Variants in DDX47 observed in about 807,000 individuals in gnomAD.
The protein encoded by DDX47 is probable ATP-dependent RNA helicase DDX47.
DDX47 carries 60 observed loss-of-function variants against 58.8 expected under a neutral mutation model. The ratio of observed to expected loss-of-function variants is 1.02; its 90% confidence interval spans 0.83 to 1.26. DDX47 has a LOEUF of 1.26. Among genes scored for constraint, DDX47 ranks in the 50% most tolerant of loss-of-function variants. The probability of loss-of-function intolerance (pLI) is 0.00; values close to 1 mark genes in which losing one functional copy is unlikely to be tolerated. For missense variants in DDX47, 530 were observed against 573.2 expected (o/e 0.92, Z 0.77); for synonymous variants, 197 against 204.6 (o/e 0.96, Z 0.32).
chr12:12,822,706 C>G lies in DDX47; in HGVS notation c.607C>G (p.Leu203Val). 6.2e-7 allele frequency: 1 copy of G among 1,613,950 alleles called. No homozygotes were observed. Residue 203 changes from leucine (L) to valine (V), a missense_variant, in exon 6 of 12, where the codon CTC (leucine) becomes GTC (valine). By Grantham distance (32) the Leu-to-Val change is conservative (BLOSUM62 1). Transcript: ENST00000358007. ...GATTCCTCGAGATCGGAAAACATTC[C>G]TCTTCTCTGCCACCATGACCAAGAA... ...KVIPRDRKTF[L>V]FSATMTKKVQ...
intron 2 of DDX47, chr12:12,820,779 G>A (rs1285195127): frequency 2.1e-5 from 4 of 194,140 alleles, no homozygotes; most frequent in Non-Finnish European, 4.2e-5. Context: ...GGGGTTACAG[G>A]CGTGAGCTAC....
chr12:12,821,753 A>G, intron 4 of DDX47, 27 bp downstream of exon 4: 1 of 1,548,504 alleles, frequency 6.5e-7, no homozygotes, highest in Non-Finnish European at 8.9e-7. Flanking sequence ...GGTAAAAGAC[A>G]CTGGCAGTGA....
rs774876536 is a variant in DDX47 at position 12,821,968 on chromosome 12, C to T, written c.446C>T (p.Thr149Ile). 4 of 1,607,812 alleles carry T rather than the reference C, an allele frequency of 2.5e-6. No homozygotes were observed. Among genetic ancestry groups the T allele is most frequent in the Non-Finnish European group, 3.4e-6 (4 of 1,174,792 alleles). The change falls in exon 5 of 12, where the codon ACT (threonine) becomes ATT (isoleucine). Residue 149 changes from threonine to isoleucine, a missense_variant. Physicochemically the swap from Thr to Ile is moderately conservative, Grantham distance 89. Coordinates refer to ENST00000358007, the MANE Select transcript of DDX47 (RefSeq NM_016355.4). ...LAKKPHIIIATPGRLIDHLEN... is the reference protein window; with the variant it reads ...LAKKPHIIIAIPGRLIDHLEN... The stretch of plus-strand genomic sequence containing the variant: ...TCTCCTCAACCTTTCTTGGTAGCAA[C>T]TCCTGGTCGACTGATTGACCACTTG...
chr12:12,814,839 G>A (rs1189404954), intron 2 of DDX47, among the ~76,000 whole-genome samples: 1 of 152,012 alleles, frequency 6.6e-6, no homozygotes, highest in South Asian at 2.1e-4. Context: ...CACCATGTCC[G>A]GCTAATTTTG....
At chr12:12,816,966 G>A (rs1862905937) in intron 2 of DDX47, among the ~76,000 whole-genome samples, 1 of 152,288 alleles carries the variant, frequency 6.6e-6, no homozygotes, top group East Asian at 1.9e-4. Context: ...GAAAAGAATA[G>A]GGAGGGGTCA....
chr12:12,814,949 T>C (rs1445466469), intron 2 of DDX47, among the ~76,000 whole-genome samples: 1 of 152,180 alleles, frequency 6.6e-6, no homozygotes, highest in Non-Finnish European at 1.5e-5. Flanking sequence ...AGTGCTGGGA[T>C]TACAGGTGTG....
At chr12:12,817,709 T>G (rs1010898754) in intron 2 of DDX47, among the ~76,000 whole-genome samples, 2 of 152,362 alleles carry the variant, frequency 1.3e-5, no homozygotes, top group Middle Eastern at 3.4e-3. Flanking sequence ...TTCTGGTATA[T>G]TCTCTACAGG....
intron 2 of DDX47, chr12:12,814,542 CAT>C (rs1862867670): frequency 3.7e-6 from 1 of 269,606 alleles, no homozygotes; most frequent in Admixed American, 4.9e-5. Flanking sequence ...GCCTGGAACA[CAT>C]ATGTGTGTCT....
intron 5 of DDX47, 143 bp downstream of exon 5, chr12:12,822,226 C>T: frequency 6.6e-6 from 4 of 608,244 alleles, no homozygotes; most frequent in South Asian, 4.2e-5. Context: ...AGTTTCTCAG[C>T]ACCCTTTTAT....
chr12:12,823,723 G>C, intron 7 of DDX47, 147 bp from the exon 8 acceptor site: 3 of 745,148 alleles, frequency 4.0e-6, no homozygotes, highest in Non-Finnish European at 4.4e-6. Context: ...AGATGATAAT[G>C]CTGGTTAAGG....
At chr12:12,814,429 C>A in intron 2 of DDX47, 1 of 491,946 alleles carries the variant, frequency 2.0e-6, no homozygotes. Context: ...TTGTTCTCTG[C>A]CACAGATGCT....
chr12:12,819,954 G>T (rs1206716358), intron 2 of DDX47, among the ~76,000 whole-genome samples: 1 of 152,162 alleles, frequency 6.6e-6, no homozygotes, highest in Non-Finnish European at 1.5e-5. Flanking sequence ...ATTTCTGATT[G>T]TAAGTCATGT....
At chr12:12,824,456 G>C in intron 8 of DDX47, 84 bp from the exon 9 acceptor site, 3 of 1,482,704 alleles carry the variant, frequency 2.0e-6, no homozygotes, top group South Asian at 1.3e-5. Context: ...ATTTATGTCT[G>C]TTTGTTCTCG....
chr12:12,824,297 T>C (rs907203635), intron 8 of DDX47: 2 of 562,876 alleles, frequency 3.6e-6, no homozygotes, highest in African/African-American at 3.8e-5. Context: ...TCTAAAAACA[T>C]TAATAAATTA....
intron 2 of DDX47, chr12:12,814,791 C>T (rs1341652965): frequency 6.6e-6 from 1 of 152,450 alleles, no homozygotes; most frequent in South Asian, 2.1e-4. Flanking sequence ...AAGCAACTCT[C>T]CCGCCTCAGC....
intron 11 of DDX47, among the ~76,000 whole-genome samples, chr12:12,829,100 C>T (rs1055328024): frequency 1.3e-5 from 2 of 152,140 alleles, no homozygotes; most frequent in African/African-American, 2.4e-5. Flanking sequence ...AATTGTCCCC[C>T]GCCCCAAGAA....
chr12:12,825,963 C>G (rs759440076), intron 9 of DDX47, 37 bp from the exon 10 acceptor site: 3 of 1,539,758 alleles, frequency 1.9e-6, no homozygotes, highest in Non-Finnish European at 1.8e-6. Flanking sequence ...AACTTATAAT[C>G]CATATAACTT....
chr12:12,814,308 A>G, intron 2 of DDX47, 84 bp downstream of exon 2: 2 of 858,822 alleles, frequency 2.3e-6, no homozygotes, highest in Non-Finnish European at 4.0e-6. Flanking sequence ...TGCATACTTC[A>G]AGTGAAATAA....
chr12:12,814,189 A>G lies in DDX47; in HGVS notation c.146A>G (p.Lys49Arg). Residue 49 changes from lysine to arginine, a missense_variant, in exon 2 of 12, where the codon AAG (lysine) becomes AGG (arginine). Transcript: ENST00000358007. ...CAGTTGGGATGGACAAAACCCACCA[A>G]GATCCAGATTGAAGCTATTCCTTTG... ...CDQLGWTKPTKIQIEAIPLAL... is the reference protein window; with the variant it reads ...CDQLGWTKPTRIQIEAIPLAL... 6.2e-7 allele frequency: 1 copy of G among 1,613,664 alleles called. No individual in the cohort carries two copies. The highest frequency in any genetic ancestry group is 8.5e-7 in the Non-Finnish European group (1 of 1,179,558).
Sources: gnomAD v4.1 joint callset for allele counts (sites outside exome capture counted in the v4.1 genomes callset) on GRCh38, gnomAD v4.1.1 for gene constraint, MANE v1.5 for transcripts, NCBI Gene and HGNC (gene_info 2026-07-23, HGNC 2026-07-21) for gene names.